C1orf21: variants seen among roughly 807,000 people sequenced by gnomAD.
The protein encoded by C1orf21 is chromosome 1 open reading frame 21.
In C1orf21, 3 loss-of-function variants were observed where a neutral mutation model predicts 18.7. The observed-to-expected ratio is 0.16, with a 90% CI of 0.07 to 0.42. The LOEUF (loss-of-function observed/expected upper bound fraction) is 0.42. C1orf21 is among the 10% of genes least tolerant of loss of function. C1orf21 has a pLI of 0.99. For missense variants in C1orf21, 104 were observed against 143.6 expected (o/e 0.72, Z 1.41); for synonymous variants, 41 against 46.4 (o/e 0.88, Z 0.47).
chr1:184,580,298 G>T (rs1005042445), intron 3 of C1orf21, among the ~76,000 whole-genome samples: 1 of 152,292 alleles, frequency 6.6e-6, no homozygotes, highest in Admixed American at 6.5e-5. Context: ...TGCAGATCAG[G>T]TTCTCGATCT....
chr1:184,417,219 C>A (rs1414790956), intron 1 of C1orf21, among the ~76,000 whole-genome samples: 1 of 152,156 alleles, frequency 6.6e-6, no homozygotes, highest in South Asian at 2.1e-4. Context: ...ACTGTCAGAG[C>A]CCTTTTCAGT....
intron 1 of C1orf21, among the ~76,000 whole-genome samples, chr1:184,423,859 G>GTCCATCCATCCATCCA (rs3033528): frequency 4.1e-5 from 6 of 146,954 alleles, no homozygotes; most frequent in Admixed American, 2.0e-4. Context: ...TCCACCCATC[G>GTCCATCCATCCATCCA]TCCATCCATC....
intron 4 of C1orf21, among the ~76,000 whole-genome samples, chr1:184,594,335 C>T (rs771302577): frequency 5.3e-5 from 8 of 152,134 alleles, no homozygotes; most frequent in Non-Finnish European, 1.0e-4. Context: ...TTTACCCCAA[C>T]CCTCTCAGGA....
chr1:184,590,840 T>G, intron 4 of C1orf21, 25 bp downstream of exon 4: 3 of 1,588,576 alleles, frequency 1.9e-6, no homozygotes, highest in Non-Finnish European at 2.6e-6. Flanking sequence ...CTGTTTTCCT[T>G]ATATAGTCGG....
At chr1:184,523,081 T>C (rs1489317989) in intron 3 of C1orf21, among the ~76,000 whole-genome samples, 1 of 152,242 alleles carries the variant, frequency 6.6e-6, no homozygotes, top group Non-Finnish European at 1.5e-5. Context: ...GGCGAATTGA[T>C]AAATCTGTGC....
intron 3 of C1orf21, among the ~76,000 whole-genome samples, chr1:184,564,402 A>C (rs1006943074): frequency 1.3e-5 from 2 of 152,150 alleles, no homozygotes; most frequent in African/African-American, 4.8e-5. Context: ...TGCGCCTCCC[A>C]GGTTCAAGTG....
At chr1:184,402,884 A>G (rs1656186199) in intron 1 of C1orf21, among the ~76,000 whole-genome samples, 1 of 152,236 alleles carries the variant, frequency 6.6e-6, no homozygotes, top group African/African-American at 2.4e-5. Context: ...CACAGGGCAA[A>G]GGAAAGAAAC....
chr1:184,398,042 G>A (rs1443193291), intron 1 of C1orf21, among the ~76,000 whole-genome samples: 1 of 152,144 alleles, frequency 6.6e-6, no homozygotes, highest in Non-Finnish European at 1.5e-5. Context: ...TCAAGGAGAG[G>A]TAGGTGAGGC....
intron 1 of C1orf21, among the ~76,000 whole-genome samples, chr1:184,393,333 C>G (rs547307199): frequency 6.6e-6 from 1 of 152,130 alleles, no homozygotes; most frequent in East Asian, 1.9e-4. Flanking sequence ...CTACTTTGCC[C>G]CACACCTCCT....
chr1:184,406,541 T>C (rs1656251929), intron 1 of C1orf21, among the ~76,000 whole-genome samples: 1 of 152,216 alleles, frequency 6.6e-6, no homozygotes, highest in South Asian at 2.1e-4. Context: ...ACACTGCTGG[T>C]CTTCTCTATG....
chr1:184,508,507 T>C (rs1158258897), intron 3 of C1orf21, among the ~76,000 whole-genome samples: 4 of 152,126 alleles, frequency 2.6e-5, no homozygotes, highest in African/African-American at 7.2e-5. Flanking sequence ...CTTAAACTCG[T>C]TTTTTTATAA....
chr1:184,409,540 C>G (rs1656300617), intron 1 of C1orf21, among the ~76,000 whole-genome samples: 1 of 152,046 alleles, frequency 6.6e-6, no homozygotes, highest in Admixed American at 6.6e-5. Context: ...TGATCTTGAC[C>G]AAAATAATAT....
intron 3 of C1orf21, 44 bp downstream of exon 3, chr1:184,507,726 T>C (rs1658084913): frequency 1.3e-6 from 2 of 1,487,374 alleles, no homozygotes; most frequent in Admixed American, 4.6e-5. Context: ...TTGGTGACAC[T>C]ATTGTAATAA....
chr1:184,614,496 A>G (rs1355268029), intron 5 of C1orf21, among the ~76,000 whole-genome samples: 1 of 142,194 alleles, frequency 7.0e-6, no homozygotes, highest in African/African-American at 2.6e-5. Context: ...CTGAATGGCA[A>G]GGCCTAGACC....
At chr1:184,536,270 C>T (rs2101975365) in intron 3 of C1orf21, among the ~76,000 whole-genome samples, 2 of 152,310 alleles carry the variant, frequency 1.3e-5, no homozygotes, top group South Asian at 4.1e-4. Context: ...CGTACACACT[C>T]TAAGAGCTGG....
chr1:184,452,120 T>C (rs1183299883), intron 1 of C1orf21, among the ~76,000 whole-genome samples: 3 of 152,192 alleles, frequency 2.0e-5, no homozygotes, highest in Non-Finnish European at 4.4e-5. Context: ...CCTAGACATG[T>C]CCATGTGCAA....
At chr1:184,456,144 A>G (rs571858157) in intron 1 of C1orf21, among the ~76,000 whole-genome samples, 12 of 152,194 alleles carry the variant, frequency 7.9e-5, no homozygotes, top group Non-Finnish European at 1.5e-4. Flanking sequence ...TTGGCCTTGT[A>G]GGGAAAATGT....
chr1:184,531,538 A>C (rs945134642), intron 3 of C1orf21, among the ~76,000 whole-genome samples: 7 of 152,198 alleles, frequency 4.6e-5, no homozygotes, highest in African/African-American at 1.7e-4. Context: ...CTGTTTCCTG[A>C]ATAACTTTTT....
At chr1:184,444,749 G>T (rs925989670) in intron 1 of C1orf21, among the ~76,000 whole-genome samples, 12 of 152,204 alleles carry the variant, frequency 7.9e-5, no homozygotes, top group Admixed American at 7.9e-4. Context: ...TGAAAAAAGT[G>T]CTATTTTCAA....
Sources: gnomAD v4.1 joint callset for allele counts (sites outside exome capture counted in the v4.1 genomes callset) on GRCh38, gnomAD v4.1.1 for gene constraint, MANE v1.5 for transcripts, NCBI Gene and HGNC (gene_info 2026-07-23, HGNC 2026-07-21) for gene names.